Variants in UNC13C observed in about 807,000 individuals in gnomAD.
The protein encoded by UNC13C is unc-13 homolog C, also known as protein unc-13 homolog C.
UNC13C carries 174 observed loss-of-function variants against 245.4 expected under a neutral mutation model. That is an observed-to-expected ratio of 0.71 (90% CI 0.63 to 0.80). The LOEUF is 0.80. Ranked by LOEUF, UNC13C falls within the 30% of genes least tolerant of loss-of-function variation. The probability of loss-of-function intolerance (pLI) is 0.00; values close to 1 mark genes in which losing one functional copy is unlikely to be tolerated. For missense variants in UNC13C, 2,829 were observed against 2,602.9 expected (o/e 1.09, Z -1.89); for synonymous variants, 992 against 895.1 (o/e 1.11, Z -1.93).
intron 30 of UNC13C, among the ~76,000 whole-genome samples, chr15:54,602,574 A>G (rs991037982): frequency 2.0e-5 from 3 of 152,136 alleles, no homozygotes; most frequent in African/African-American, 7.2e-5. Context: ...TTTTCTTTTT[A>G]TTTTGAGATT....
chr15:54,238,733 T>A (rs937395371), intron 7 of UNC13C, among the ~76,000 whole-genome samples: 2 of 152,258 alleles, frequency 1.3e-5, no homozygotes, highest in Non-Finnish European at 2.9e-5. Flanking sequence ...TGAATGATTC[T>A]ACCACTATGG....
At chr15:54,632,920 CT>C, downstream of UNC13C, 1 of 152,406 alleles carries the variant, frequency 6.6e-6, no homozygotes, top group Non-Finnish European at 1.5e-5. Context: ...AGTCCCAGCA[CT>C]TTGGGAGGTC....
intron 19 of UNC13C, among the ~76,000 whole-genome samples, chr15:54,479,007 C>T (rs901500458): frequency 6.6e-6 from 1 of 152,070 alleles, no homozygotes; most frequent in Non-Finnish European, 1.5e-5. Flanking sequence ...GTATTGGGTG[C>T]ATATATATGG....
intron 10 of UNC13C, among the ~76,000 whole-genome samples, chr15:54,288,287 T>G (rs931288372): frequency 1.3e-5 from 2 of 152,154 alleles, no homozygotes; most frequent in African/African-American, 4.8e-5. Flanking sequence ...CCTCTACTAG[T>G]TTGAGTCTAC....
chr15:53,957,154 T>TGTTTGTTTG, the UNC13C span, among the ~76,000 whole-genome samples: 3 of 151,844 alleles, frequency 2.0e-5, no homozygotes, highest in East Asian at 1.9e-4. Flanking sequence ...TTTGTTTGTT[T>TGTTTGTTTG]TTTTTGAGAC....
At chr15:53,937,489 A>G in the UNC13C span, among the ~76,000 whole-genome samples, 16 of 152,316 alleles carry the variant, frequency 1.1e-4, no homozygotes, top group South Asian at 3.1e-3. Flanking sequence ...GAACTTCCCA[A>G]CCTAGCAAGA....
In UNC13C at chr15:54,013,726, G is replaced by T; in HGVS notation, c.823G>T (p.Asp275Tyr). 3.7e-6 allele frequency: 6 copies of T among 1,612,898 alleles called. No individual in the cohort carries two copies. The highest frequency in any genetic ancestry group is 5.1e-6 in the Non-Finnish European group (6 of 1,179,440). ...CGTCAATGCTCTCAAGCACTCCATC[G>T]ATGAGATCTCCAGCAGTGTGGAGGT... ...GHVNALKHSI[D>Y]EISSSVEVVQ... Residue 275 changes from aspartate to tyrosine, a missense_variant, in exon 2 of 33, where the codon GAT (aspartate) becomes TAT (tyrosine). Asp to Tyr is a radical substitution (Grantham distance 160). Transcript: ENST00000260323.
At chr15:54,296,221 G>A (rs2037426116) in intron 11 of UNC13C, among the ~76,000 whole-genome samples, 1 of 151,164 alleles carries the variant, frequency 6.6e-6, no homozygotes, top group Non-Finnish European at 1.5e-5. Context: ...TTATTTTTGA[G>A]ACGGAGTCTC....
Position 54,013,383 on chromosome 15 carries a change from T to C in UNC13C, c.480T>C (p.Leu160=). Residue 160 remains leucine (L), a synonymous_variant, in exon 2 of 33, where the codon CTT becomes CTC. Transcript: ENST00000260323. ...VRRNRKSSSS[L]APSEGSSDGE... ...GCAACAGAAAGAGTTCAAGCAGCCT[T>C]GCACCCTCTGAGGGCAGCTCTGACG... The C allele has an allele frequency of 6.2e-7, 1 of 1,613,838 alleles. No individual in the cohort carries two copies. The highest frequency in any genetic ancestry group is 8.5e-7 in the Non-Finnish European group (1 of 1,179,856).
chr15:54,265,237 C>G (rs1305497667), intron 9 of UNC13C, 118 bp from the exon 10 acceptor site: 15 of 675,700 alleles, frequency 2.2e-5, no homozygotes, highest in Non-Finnish European at 2.9e-5. Flanking sequence ...AGAATGAAAG[C>G]AATGGGGATG....
chr15:54,361,201 A>G (rs546556249), intron 17 of UNC13C, among the ~76,000 whole-genome samples: 3 of 151,492 alleles, frequency 2.0e-5, no homozygotes, highest in Admixed American at 6.6e-5. Flanking sequence ...TTCTCTCTTC[A>G]AGCTTGTTAA....
intron 2 of UNC13C, among the ~76,000 whole-genome samples, chr15:54,080,223 A>G (rs770203088): frequency 1.3e-5 from 2 of 151,920 alleles, no homozygotes; most frequent in South Asian, 2.1e-4. Context: ...TTGATTTGCT[A>G]GTATTTTGTT....
chr15:54,218,125 A>G (rs762135386), intron 4 of UNC13C, among the ~76,000 whole-genome samples: 18 of 152,000 alleles, frequency 1.2e-4, no homozygotes, highest in Non-Finnish European at 2.1e-4. Flanking sequence ...AGGGGATATG[A>G]CAGAAGACTT....
In UNC13C at chr15:54,119,743, T is replaced by G. The variant is rs887010881; in HGVS notation, c.2984-23275T>G. ...ATAAGGAAAAGTTCTTGAAGGAAAT[T>G]AAAAATACTACTTCAGTGAATACAC... On this transcript the variant is annotated intron_variant, in intron 2 of 32. Transcript: ENST00000260323. Among the ~76,000 whole-genome samples, 6 of 152,234 alleles carry G rather than the reference T, an allele frequency of 3.9e-5. 1 individual carries two copies. In the South Asian group the frequency reaches 1.2e-3, roughly 32 times the overall value.
intron 2 of UNC13C, among the ~76,000 whole-genome samples, chr15:54,091,866 A>G (rs1899592864): frequency 6.6e-6 from 1 of 151,940 alleles, no homozygotes; most frequent in Admixed American, 6.6e-5. Flanking sequence ...GTTGAGATTT[A>G]TTCCTTAAGT....
chr15:53,995,794 AC>A (rs1566937656), intron 1 of UNC13C, among the ~76,000 whole-genome samples: 1 of 152,198 alleles, frequency 6.6e-6, no homozygotes, highest in Non-Finnish European at 1.5e-5. Context: ...TTATACAAAT[AC>A]TTTTTATGCC....
intron 27 of UNC13C, 111 bp from the exon 28 acceptor site, chr15:54,549,524 C>T: frequency 2.5e-6 from 2 of 801,914 alleles, no homozygotes; most frequent in South Asian, 1.9e-5. Context: ...CTGGCATAAG[C>T]CATAAGTCTT....
At chr15:54,563,648 CA>C (rs1897385012) in intron 29 of UNC13C, among the ~76,000 whole-genome samples, 1 of 152,034 alleles carries the variant, frequency 6.6e-6, no homozygotes, top group Non-Finnish European at 1.5e-5. Flanking sequence ...CCCACATTTA[CA>C]AATTCCTTTC....
At chr15:53,934,547 G>A in the UNC13C span, among the ~76,000 whole-genome samples, 1 of 152,310 alleles carries the variant, frequency 6.6e-6, no homozygotes, top group African/African-American at 2.4e-5. Context: ...ATTAAAGAGA[G>A]TCAGCTATTT....
Sources: allele counts gnomAD v4.1 joint callset (sites outside exome capture counted in the v4.1 genomes callset), GRCh38; gene constraint gnomAD v4.1.1; transcripts MANE v1.5; gene names NCBI Gene and HGNC (gene_info 2026-07-23, HGNC 2026-07-21).